Variants in VMA22 observed in about 807,000 individuals in gnomAD.
VMA22 encodes the protein vacuolar ATPase assembly factor VMA22.
At chr2:130,339,931 T>C in the VMA22 span, 2 of 861,764 alleles carry the variant, frequency 2.3e-6, no homozygotes, top group East Asian at 1.3e-4. Context: ...TGCAGTGGAC[T>C]CCCAAATCTC....
the VMA22 span, chr2:130,339,018 G>T: frequency 1.2e-6 from 1 of 807,944 alleles, no homozygotes. Flanking sequence ...ATTAGCTGGC[G>T]TGGGGTAGGG....
the VMA22 span, chr2:130,339,939 C>T: frequency 5.0e-6 from 4 of 806,758 alleles, no homozygotes; most frequent in South Asian, 5.5e-5. Flanking sequence ...ACTCCCAAAT[C>T]TCTCTCCAGC....
At chr2:130,342,520 C>A in the VMA22 span, 49 of 467,116 alleles carry the variant, frequency 1.0e-4, no homozygotes, top group Non-Finnish European at 1.8e-4. Context: ...GGAAAGGAGC[C>A]GGCAAGCAAC....
the VMA22 span, chr2:130,341,942 G>GC: frequency 6.2e-7 from 1 of 1,613,534 alleles, no homozygotes; most frequent in Non-Finnish European, 8.5e-7. Flanking sequence ...GCGAGAGCCA[G>GC]CCCTGCAGGG....
the VMA22 span, chr2:130,338,968 A>C: frequency 1.6e-6 from 1 of 621,668 alleles, no homozygotes; most frequent in Non-Finnish European, 2.8e-6. Flanking sequence ...TTCACACCTA[A>C]GGAAAATGGA....
chr2:130,339,469 C>T, the VMA22 span: 1 of 1,391,504 alleles, frequency 7.2e-7, no homozygotes, highest in Non-Finnish European at 9.4e-7. Flanking sequence ...TTATATCACC[C>T]ACCAGGAACT....
the VMA22 span, chr2:130,341,027 C>T: frequency 5.6e-6 from 9 of 1,608,810 alleles, no homozygotes; most frequent in Admixed American, 1.7e-5. Flanking sequence ...GGGGCCCTTG[C>T]GCCTCCGCAG....
At chr2:130,342,091 G>A in the VMA22 span, 15 of 1,613,710 alleles carry the variant, frequency 9.3e-6, no homozygotes, top group East Asian at 2.2e-5. Context: ...CAGGACCAGC[G>A]AATCCAGCTC....
the VMA22 span, chr2:130,341,995 T>A: frequency 6.2e-7 from 1 of 1,613,222 alleles, no homozygotes; most frequent in Non-Finnish European, 8.5e-7. Flanking sequence ...TGTACCCTCC[T>A]GCCCGCCCCA....
At chr2:130,339,340 C>G in the VMA22 span, 22 of 1,333,688 alleles carry the variant, frequency 1.6e-5, no homozygotes, top group South Asian at 9.8e-5. Flanking sequence ...CTCTGCCCCC[C>G]ACACTTGTCC....
the VMA22 span, chr2:130,342,291 C>T: frequency 7.3e-7 from 1 of 1,377,450 alleles, no homozygotes; most frequent in Non-Finnish European, 9.8e-7. Flanking sequence ...GGGCAAGCGC[C>T]CTTAGAGAAG....
chr2:130,339,143 G>A, the VMA22 span: 1 of 1,614,066 alleles, frequency 6.2e-7, no homozygotes. Flanking sequence ...GGCTCCAGCT[G>A]CTTGAGTTTC....
At chr2:130,341,012 T>G in the VMA22 span, 1 of 1,612,164 alleles carries the variant, frequency 6.2e-7, no homozygotes, top group Non-Finnish European at 8.5e-7. Flanking sequence ...TTCTGGGGTC[T>G]TAGTGGGGCC....
chr2:130,342,303 A>G, the VMA22 span: 45 of 1,205,598 alleles, frequency 3.7e-5, no homozygotes, highest in Non-Finnish European at 4.9e-5. Flanking sequence ...TTAGAGAAGC[A>G]GCACGGAAGC....
the VMA22 span, chr2:130,339,447 T>C: frequency 7.1e-7 from 1 of 1,414,418 alleles, no homozygotes; most frequent in Non-Finnish European, 9.2e-7. Context: ...CTCCTTAGAC[T>C]TCCTGGACCC....
the VMA22 span, chr2:130,341,920 G>T: frequency 6.2e-7 from 1 of 1,613,542 alleles, no homozygotes; most frequent in Admixed American, 1.7e-5. Context: ...ATCGCGTAGC[G>T]AGCCTTGGCG....
the VMA22 span, chr2:130,341,504 C>A: frequency 6.5e-6 from 4 of 611,758 alleles, no homozygotes; most frequent in South Asian, 8.4e-5. Flanking sequence ...AATTTCTCTA[C>A]TTCCTATAAA....
At chr2:130,342,039 CG>C in the VMA22 span, 2 of 1,613,836 alleles carry the variant, frequency 1.2e-6, no homozygotes, top group African/African-American at 2.7e-5. Context: ...CGTTCAACAC[CG>C]TTCGTTTCCC....
At chr2:130,339,679 C>T in the VMA22 span, 47 of 1,304,456 alleles carry the variant, frequency 3.6e-5, no homozygotes, top group South Asian at 4.9e-5. Flanking sequence ...CTCTCGTCTT[C>T]GGCCTCCTGT....
Sources: allele counts gnomAD v4.1 joint callset, GRCh38; gene constraint gnomAD v4.1.1; transcripts MANE v1.5; gene names NCBI Gene and HGNC (gene_info 2026-07-23, HGNC 2026-07-21).